NOTCH1: variants seen among roughly 807,000 people sequenced by gnomAD.
NOTCH1 encodes neurogenic locus notch homolog protein 1.
A neutral mutation model predicts 254.8 loss-of-function variants in NOTCH1; 37 were observed. The observed-to-expected ratio is 0.15, with a 90% CI of 0.11 to 0.19. NOTCH1 has a LOEUF of 0.19. Ranked by LOEUF, NOTCH1 falls within the 10% of genes least tolerant of loss-of-function variation. The pLI is 1.00. For synonymous variants in NOTCH1, 1,731 were observed against 1,618.1 expected (o/e 1.07, Z -1.68); for missense variants, 2,972 against 3,708.6 (o/e 0.80, Z 5.16).
chr9:136,500,715 G>T lies in NOTCH1; in HGVS notation c.5771C>A (p.Thr1924Lys), dbSNP rs2133326232. ...IYQGASLHNQ[T>K]DRTGETALHL... ...CAAGGCGGTCTCGCCCGTGCGGTCTGTCTGGTTGTGCAGGCTGGCGCCCTG... is the reference window on the plus strand; with the variant it reads ...CAAGGCGGTCTCGCCCGTGCGGTCTTTCTGGTTGTGCAGGCTGGCGCCCTG... Residue 1924 changes from threonine (T) to lysine (K), a missense_variant, in exon 31 of 34, where the codon ACA (threonine) becomes AAA (lysine). By Grantham distance (78) the Thr-to-Lys change is moderately conservative (BLOSUM62 -1). Around this residue, in one of 8 missense-constraint regions of NOTCH1, gnomAD observed 421 missense variants for 604.4 expected, o/e 0.70. Transcript: ENST00000651671. 6.2e-7 allele frequency: 1 copy of T among 1,609,460 alleles called. No individual in the cohort carries two copies.
rs372771288 is a variant in NOTCH1, at chr9:136,496,995, G to C, written c.6744C>G (p.Asn2248Lys). The C allele has an allele frequency of 5.0e-6, 8 of 1,610,194 alleles. No individual in the cohort carries two copies. Among genetic ancestry groups the C allele is most frequent in the Non-Finnish European group, 6.8e-6 (8 of 1,178,954 alleles). ...PDTHLGIGHL[N>K]VAAKPEMAAL... ...CCGCCATCTCGGGCTTGGCCGCCAC[G>C]TTCAGGTGCCCGATGCCCAGGTGGG... The change falls in exon 34 of 34, where the codon AAC becomes AAG. Residue 2248 changes from asparagine to lysine, a missense_variant. Transcript: ENST00000651671.
At chr9:136,515,761 GC>G in intron 10 of NOTCH1, 45 bp from the exon 11 acceptor site, 4 of 1,504,200 alleles carry the variant, frequency 2.7e-6, no homozygotes, top group South Asian at 1.2e-5. Flanking sequence ...AGGACTGGCG[GC>G]CCCCGGGACA....
chr9:136,527,160 G>A (rs377168207), intron 2 of NOTCH1, among the ~76,000 whole-genome samples: 1 of 152,182 alleles, frequency 6.6e-6, no homozygotes, highest in Non-Finnish European at 1.5e-5. Context: ...GCCTGTGCCC[G>A]CCCCAGTCTG....
chr9:136,537,125 C>T (rs1225593665), intron 2 of NOTCH1, among the ~76,000 whole-genome samples: 1 of 152,194 alleles, frequency 6.6e-6, no homozygotes, highest in African/African-American at 2.4e-5. Context: ...CTGTGGCTGT[C>T]GGGTGGCTGC....
rs1468714810 is a variant in NOTCH1 at position 136,522,955 on chromosome 9, G to C, written c.637C>G (p.Pro213Ala). 7.1e-6 allele frequency: 11 copies of C among 1,557,624 alleles called. No homozygotes were observed. The highest frequency in any genetic ancestry group is 9.6e-6 in the Non-Finnish European group (11 of 1,151,478). The change falls in exon 4 of 34, where the codon CCC becomes GCC. Residue 213 changes from proline (P) to alanine (A), a missense_variant. By Grantham distance (27) the Pro-to-Ala change is conservative. This residue lies in a region of NOTCH1 where 374 missense variants were observed against 496.3 expected (regional missense o/e 0.75). Transcript: ENST00000651671. ...GGCACGTAGGGCCGCTCGCAGTTGG[G>C]GCCAGTGTGGGTGGCGCGGCAGACG... Reference protein sequence around the residue: ...RCVCRATHTGPNCERPYVPCS... With the variant: ...RCVCRATHTGANCERPYVPCS...
rs1299929890 is a variant in NOTCH1, at chr9:136,516,069, G to A, written c.1581C>T (p.Tyr527=). Residue 527 remains tyrosine (Y), a synonymous_variant, in exon 10 of 34, where the codon TAC becomes TAT. Transcript: ENST00000651671. ...PTGFTGHLCQ[Y]DVDECASTPC... ...GGGTGCTGGCACACTCGTCCACATC[G>A]TACTGGCACAGATGCCCAGTGAAGC... 7.4e-6 allele frequency: 12 copies of A among 1,611,594 alleles called. No individual in the cohort carries two copies. Among genetic ancestry groups the A allele is most frequent in the African/African-American group, 2.7e-5 (2 of 74,912 alleles).
At chr9:136,502,998 C>T in intron 27 of NOTCH1, 184 bp downstream of exon 27, 1 of 864,182 alleles carries the variant, frequency 1.2e-6, no homozygotes, top group Non-Finnish European at 1.9e-6. Context: ...CCACCGGCAG[C>T]TGTGACCGCC....
chr9:136,517,638 C>A (rs1843297231), intron 8 of NOTCH1, 114 bp downstream of exon 8: 2 of 1,343,872 alleles, frequency 1.5e-6, no homozygotes, highest in East Asian at 4.8e-5. Flanking sequence ...GCTGTGGGCC[C>A]AGAAGGCATG....
chr9:136,543,841 A>G, intron 2 of NOTCH1, 183 bp downstream of exon 2: 2 of 694,416 alleles, frequency 2.9e-6, no homozygotes, highest in Non-Finnish European at 2.6e-6. Context: ...CTCCACACGC[A>G]GCATAATTGC....
At position 136,500,857 on chromosome 9, in the gene NOTCH1, C is replaced by A. The variant is rs1842984290; in HGVS notation, c.5639-10G>T. Reference sequence around the variant, plus strand: ...AGCGGGGTGAAGCCATCTGCAGAGGCAGAGACGGGTGCTCAGTCTGGAGGG... The same window carrying A: ...AGCGGGGTGAAGCCATCTGCAGAGGAAGAGACGGGTGCTCAGTCTGGAGGG... On this transcript the variant is annotated splice_polypyrimidine_tract_variant and intron_variant, in intron 30 of 33. Coordinates refer to ENST00000651671, the MANE Select transcript of NOTCH1 (RefSeq NM_017617.5). 6.3e-7 allele frequency: 1 copy of A among 1,582,882 alleles called. No individual in the cohort carries two copies. The highest frequency in any genetic ancestry group is 8.5e-7 in the Non-Finnish European group (1 of 1,172,434).
chr9:136,504,337 G>A (rs73668313), intron 26 of NOTCH1, among the ~76,000 whole-genome samples: 2,997 of 152,348 alleles, frequency 0.02, 52 homozygotes, highest in Middle Eastern at 0.054. Context: ...TCGCCTGGCA[G>A]AGGGCTGAGT....
rs202198360 is a variant in NOTCH1 at position 136,499,140 on chromosome 9, G to A, written c.6054C>T (p.His2018=). 1.1e-5 allele frequency: 18 copies of A among 1,613,266 alleles called. No homozygotes were observed. Among genetic ancestry groups the A allele is most frequent in the African/African-American group, 5.3e-5 (4 of 75,074 alleles). Residue 2018 remains histidine, a synonymous_variant, in exon 32 of 34, where the codon CAC becomes CAT. Transcript: ENST00000651671. ...EGMLEDLINS[H]ADVNAVDDLG... ...GGTCATCTACGGCGTTGACGTCGGC[G>A]TGTGAGTTGATGAGGTCCTCCAGCA... is the stretch of plus-strand genomic sequence containing the variant.
chr9:136,534,408 T>C (rs1200933831), intron 2 of NOTCH1, among the ~76,000 whole-genome samples: 2 of 152,188 alleles, frequency 1.3e-5, no homozygotes, highest in Non-Finnish European at 2.9e-5. Flanking sequence ...CAAATTCTCA[T>C]CTGCCAATTA....
rs544782113 is a variant in NOTCH1, at chr9:136,540,044, C to T, written c.140+3980G>A. On this transcript the variant is annotated intron_variant, in intron 2 of 33. Transcript: ENST00000651671. This position sits in a 1 kb window ranked among gnomAD's most constrained non-coding sequence, Gnocchi z 4.4. Reference sequence around the variant, plus strand: ...GGCAGGGCTAGTAGGAATTCTGCCACTGCTGTGTGACCCTGGGGCTGATGG... The same window carrying T: ...GGCAGGGCTAGTAGGAATTCTGCCATTGCTGTGTGACCCTGGGGCTGATGG... 3.3e-5 allele frequency among the ~76,000 whole-genome samples: 5 copies of T among 152,232 alleles called. No homozygotes were observed. Among genetic ancestry groups the T allele is most frequent in the Admixed American group, 1.3e-4 (2 of 15,282 alleles).
intron 2 of NOTCH1, among the ~76,000 whole-genome samples, chr9:136,536,045 G>A (rs922822903): frequency 2.3e-4 from 35 of 152,126 alleles, no homozygotes; most frequent in African/African-American, 6.3e-4. Context: ...GTAGGGGGGC[G>A]CACTGAGGAC....
At position 136,518,680 on chromosome 9, in the gene NOTCH1, T is replaced by C. The variant is rs2133370968; in HGVS notation, c.1010A>G (p.Asp337Gly). The C allele has an allele frequency of 6.2e-7, 1 of 1,612,650 alleles. No individual in the cohort carries two copies. Among genetic ancestry groups the C allele is most frequent in the Non-Finnish European group, 8.5e-7 (1 of 1,179,982 alleles). ...WTGEDCSENI[D>G]DCASAACFHG... The stretch of plus-strand genomic sequence containing the variant: ...GAAGCAGGCGGCGCTGGCACAGTCA[T>C]CAATGTTCTCGCTGCAGTCCTCACC... The change falls in exon 6 of 34, where the codon GAT becomes GGT. Residue 337 changes from aspartate to glycine, a missense_variant. Around this residue, in one of 8 missense-constraint regions of NOTCH1, gnomAD observed 374 missense variants for 496.3 expected, o/e 0.75. Transcript: ENST00000651671.
rs1233343546 is a variant in NOTCH1 at position 136,500,734 on chromosome 9, C to T, written c.5752G>A (p.Ala1918Thr). ...CGGTCTGTCTGGTTGTGCAGGCTGG[C>T]GCCCTGGTAGATGAAGTCGGAGATG... is the stretch of plus-strand genomic sequence containing the variant. ...AVISDFIYQGASLHNQTDRTG... is the reference protein window; with the variant it reads ...AVISDFIYQGTSLHNQTDRTG... The change falls in exon 31 of 34, where the codon GCC (alanine) becomes ACC (threonine). Residue 1918 changes from alanine to threonine, a missense_variant. Ala to Thr is a moderately conservative substitution (Grantham distance 58). Transcript: ENST00000651671. 1.2e-6 allele frequency: 2 copies of T among 1,607,856 alleles called. No individual in the cohort carries two copies. The highest frequency in any genetic ancestry group is 8.5e-7 in the Non-Finnish European group (1 of 1,179,878).
chr9:136,508,507 A>C (rs3812604), intron 19 of NOTCH1, 122 bp from the exon 20 acceptor site: 13 of 1,431,018 alleles, frequency 9.1e-6, no homozygotes, highest in Non-Finnish European at 1.2e-5. Flanking sequence ...CAGAAGTGGA[A>C]ACTGCCGCCC....
At chr9:136,523,380 C>T (rs897467221) in intron 3 of NOTCH1, among the ~76,000 whole-genome samples, 192 bp from the exon 4 acceptor site, 1 of 152,232 alleles carries the variant, frequency 6.6e-6, no homozygotes, top group African/African-American at 2.4e-5. Context: ...GAGGCCTGAG[C>T]CTGGGCCGTC....
Sources: allele counts gnomAD v4.1 joint callset (sites outside exome capture counted in the v4.1 genomes callset), GRCh38; gene constraint gnomAD v4.1.1; regional missense constraint gnomAD v4.1.1; non-coding constraint Gnocchi (gnomAD v3.1); transcripts MANE v1.5; gene names NCBI Gene and HGNC (gene_info 2026-07-23, HGNC 2026-07-21).